Variants in B3GALT1 observed in about 807,000 individuals in gnomAD.
B3GALT1 encodes the protein beta-1,3-galactosyltransferase 1, also known as UDP-Gal:betaGlcNAc beta 1,3-galactosyltransferase, polypeptide 1.
In B3GALT1, 10 loss-of-function variants were observed where a neutral mutation model predicts 23.2. The observed-to-expected ratio is 0.43, with a 90% confidence interval of 0.27 to 0.73. The LOEUF is 0.73. Ranked by LOEUF, B3GALT1 falls within the 30% of genes least tolerant of loss-of-function variation. The pLI, the probability that B3GALT1 is intolerant of heterozygous loss-of-function variation, is 0.21. For missense variants in B3GALT1, 299 were observed against 405.4 expected (o/e 0.74, Z 2.25); for synonymous variants, 156 against 141.5 (o/e 1.10, Z -0.73).
At chr2:167,736,384 C>A (rs1375515002) in intron 3 of B3GALT1, among the ~76,000 whole-genome samples, 1 of 152,186 alleles carries the variant, frequency 6.6e-6, no homozygotes, top group Admixed American at 6.5e-5. Flanking sequence ...TCATCAACTT[C>A]TTTTCATCAC....
chr2:167,592,585 G>C (rs780578453), intron 2 of B3GALT1, among the ~76,000 whole-genome samples: 1 of 152,160 alleles, frequency 6.6e-6, no homozygotes, highest in Non-Finnish European at 1.5e-5. Context: ...CTATGAGCTA[G>C]TTATCAAAGC....
intron 4 of B3GALT1, among the ~76,000 whole-genome samples, chr2:167,861,298 A>G (rs1690094274): frequency 6.6e-6 from 1 of 152,194 alleles, no homozygotes. Context: ...AACTTAGGAT[A>G]TTTTCAATCT....
chr2:167,668,443 G>A (rs1686252105), intron 3 of B3GALT1, among the ~76,000 whole-genome samples: 1 of 152,154 alleles, frequency 6.6e-6, no homozygotes, highest in Non-Finnish European at 1.5e-5. Flanking sequence ...GCCTACAGAG[G>A]CAGGCAGTCC....
chr2:167,746,800 T>C (rs1480858659), intron 3 of B3GALT1, among the ~76,000 whole-genome samples: 1 of 152,244 alleles, frequency 6.6e-6, no homozygotes, highest in Non-Finnish European at 1.5e-5. Context: ...TTGCTATGTC[T>C]TTGCAGTCTG....
intron 4 of B3GALT1, among the ~76,000 whole-genome samples, chr2:167,836,498 A>G (rs1224224491): frequency 6.6e-6 from 1 of 152,202 alleles, no homozygotes; most frequent in East Asian, 1.9e-4. Flanking sequence ...AAAGAAACGA[A>G]CAAAGCCTCT....
chr2:167,400,759 T>G (rs916743070), intron 1 of B3GALT1, among the ~76,000 whole-genome samples: 3 of 152,128 alleles, frequency 2.0e-5, no homozygotes, highest in African/African-American at 7.2e-5. Context: ...CATCTTGAAC[T>G]GAACAGGAGG....
chr2:167,851,271 G>A (rs1689881121), intron 4 of B3GALT1, among the ~76,000 whole-genome samples: 1 of 151,918 alleles, frequency 6.6e-6, no homozygotes, highest in Non-Finnish European at 1.5e-5. Flanking sequence ...ATGTGATTAG[G>A]TTTACCCCAT....
chr2:167,588,638 T>G (rs1197008882), intron 2 of B3GALT1, among the ~76,000 whole-genome samples: 1 of 152,116 alleles, frequency 6.6e-6, no homozygotes, highest in Non-Finnish European at 1.5e-5. Context: ...GTGTTTTTCA[T>G]GTGTTTATTG....
rs759881190 is a variant in B3GALT1, at chr2:167,746,572, A to T, written c.-351-72100A>T. On this transcript the variant is annotated intron_variant, in intron 3 of 4. Coordinates refer to ENST00000392690, the MANE Select transcript of B3GALT1 (RefSeq NM_020981.4). ...GCTGTTGAACAAATTTATTTTATTG[A>T]CTTGCTTCAGAAATATGTGACAATG... 2.0e-5 allele frequency among the ~76,000 whole-genome samples: 3 copies of T among 152,240 alleles called. No individual in the cohort carries two copies. The South Asian group carries it at 6.2e-4, about 31-fold the overall frequency.
At chr2:167,614,552 C>A (rs1334535894) in intron 2 of B3GALT1, among the ~76,000 whole-genome samples, 2 of 151,818 alleles carry the variant, frequency 1.3e-5, no homozygotes, top group Admixed American at 1.3e-4. Flanking sequence ...CAACCAAGAT[C>A]AATATTCAAG....
At chr2:167,423,374 G>A (rs975613265) in intron 1 of B3GALT1, among the ~76,000 whole-genome samples, 3 of 152,150 alleles carry the variant, frequency 2.0e-5, no homozygotes, top group African/African-American at 7.2e-5. Flanking sequence ...AAAAGCAGAA[G>A]GGAAGAAAGA....
chr2:167,753,979 G>T (rs989334234), intron 3 of B3GALT1, among the ~76,000 whole-genome samples: 3 of 152,166 alleles, frequency 2.0e-5, no homozygotes, highest in South Asian at 2.1e-4. Context: ...GCTGATGAAG[G>T]TCTGATTTGT....
intron 2 of B3GALT1, among the ~76,000 whole-genome samples, chr2:167,628,714 G>A (rs1685388477): frequency 6.6e-6 from 1 of 151,696 alleles, no homozygotes; most frequent in Non-Finnish European, 1.5e-5. Flanking sequence ...GGAGGGTGGA[G>A]GCATGGGCCT....
At chr2:167,392,121 C>T (rs990161622) in intron 1 of B3GALT1, among the ~76,000 whole-genome samples, 13 of 151,768 alleles carry the variant, frequency 8.6e-5, no homozygotes, top group Non-Finnish European at 1.6e-4. Flanking sequence ...GTCCATATTT[C>T]TCTCCTCTTC....
At chr2:167,389,909 C>CAAAAAAA (rs141871874) in intron 1 of B3GALT1, among the ~76,000 whole-genome samples, 2 of 112,590 alleles carry the variant, frequency 1.8e-5, no homozygotes, top group African/African-American at 4.2e-5. Flanking sequence ...ATACCCTGTC[C>CAAAAAAA]AAAAAAAAAA....
chr2:167,769,539 CA>C (rs1196637041), intron 3 of B3GALT1, among the ~76,000 whole-genome samples: 1 of 152,138 alleles, frequency 6.6e-6, no homozygotes, highest in Non-Finnish European at 1.5e-5. Flanking sequence ...CTGAGACCCC[CA>C]AAATCCATCA....
At chr2:167,479,229 A>C (rs1375295606) in intron 1 of B3GALT1, among the ~76,000 whole-genome samples, 1 of 152,186 alleles carries the variant, frequency 6.6e-6, no homozygotes, top group East Asian at 1.9e-4. Flanking sequence ...AGATTAAATG[A>C]GGTGGTACAG....
chr2:167,735,159 C>G (rs927770869), intron 3 of B3GALT1, among the ~76,000 whole-genome samples: 2 of 152,184 alleles, frequency 1.3e-5, no homozygotes, highest in Admixed American at 6.5e-5. Context: ...TTAAATCCCC[C>G]CTTCCAATTT....
intron 1 of B3GALT1, among the ~76,000 whole-genome samples, chr2:167,475,601 T>A (rs1699474867): frequency 6.6e-6 from 1 of 152,122 alleles, no homozygotes; most frequent in African/African-American, 2.4e-5. Context: ...CAGTGCCTGA[T>A]AAGCACTTGG....
Sources: allele counts gnomAD v4.1 joint callset (sites outside exome capture counted in the v4.1 genomes callset), GRCh38; gene constraint gnomAD v4.1.1; transcripts MANE v1.5; gene names NCBI Gene and HGNC (gene_info 2026-07-23, HGNC 2026-07-21).